Variants in ZMYM2 observed in about 807,000 individuals in gnomAD.
The protein encoded by ZMYM2 is zinc finger MYM-type containing 2.
A neutral mutation model predicts 162.8 loss-of-function variants in ZMYM2; 56 were observed. That is an observed-to-expected ratio of 0.34 (90% confidence interval 0.28 to 0.43). The LOEUF (loss-of-function observed/expected upper bound fraction) is 0.43. Ranked by LOEUF, ZMYM2 falls within the 20% of genes least tolerant of loss-of-function variation. ZMYM2 has a pLI of 1.00. For synonymous variants in ZMYM2, 510 were observed against 541.6 expected (o/e 0.94, Z 0.81); for missense variants, 1,275 against 1,621.8 (o/e 0.79, Z 3.67).
At chr13:19,901,010 A>G in the ZMYM2 span, among the ~76,000 whole-genome samples, 1 of 152,180 alleles carries the variant, frequency 6.6e-6, no homozygotes, top group African/African-American at 2.4e-5. Context: ...TGGTTTGCAG[A>G]CAGCTATTCT....
chr13:19,880,635 C>T, the ZMYM2 span, among the ~76,000 whole-genome samples: 2 of 151,814 alleles, frequency 1.3e-5, no homozygotes, highest in African/African-American at 2.4e-5. Context: ...CACCATGTTG[C>T]CCAGGCTGGT....
chr13:19,909,249 T>A, the ZMYM2 span, among the ~76,000 whole-genome samples: 14 of 152,286 alleles, frequency 9.2e-5, no homozygotes, highest in South Asian at 2.9e-3. Context: ...GCTCAATCTA[T>A]GTTAATTACT....
intron 21 of ZMYM2, among the ~76,000 whole-genome samples, chr13:20,077,896 G>C (rs1957622042): frequency 6.7e-6 from 1 of 148,904 alleles, no homozygotes; most frequent in Non-Finnish European, 1.5e-5. Context: ...AGGCTGGAGT[G>C]CAGTGGTGTG....
chr13:19,893,782 A>C, the ZMYM2 span, among the ~76,000 whole-genome samples: 1 of 151,808 alleles, frequency 6.6e-6, no homozygotes, highest in Admixed American at 6.6e-5. Context: ...ATAAAACACA[A>C]AAGTATAAAC....
the ZMYM2 span, among the ~76,000 whole-genome samples, chr13:19,919,138 T>C: frequency 3.3e-5 from 5 of 152,270 alleles, no homozygotes; most frequent in Admixed American, 1.3e-4. Context: ...ACTGGCTTTT[T>C]TTTTTTTTCA....
intron 3 of ZMYM2, among the ~76,000 whole-genome samples, chr13:20,000,440 T>C (rs1466348449): frequency 6.6e-6 from 1 of 152,236 alleles, no homozygotes; most frequent in Non-Finnish European, 1.5e-5. Flanking sequence ...ACAAAACAAC[T>C]GATGGCTCTC....
At chr13:19,965,406 T>C in intron 2 of ZMYM2, 10 of 455,584 alleles carry the variant, frequency 2.2e-5, no homozygotes, top group South Asian at 2.1e-4. Context: ...CTAGGAAGAA[T>C]AGTGTTTCTT....
the ZMYM2 span, among the ~76,000 whole-genome samples, chr13:19,947,754 A>G: frequency 5.9e-5 from 9 of 152,072 alleles, no homozygotes. Flanking sequence ...TCGGCTTCCC[A>G]GAGTGCTGGG....
chr13:20,031,640 T>C (rs1441268434), intron 10 of ZMYM2, among the ~76,000 whole-genome samples: 3 of 152,162 alleles, frequency 2.0e-5, no homozygotes, highest in East Asian at 1.9e-4. Flanking sequence ...GAAAAATTAC[T>C]GAAGTCATAT....
the ZMYM2 span, among the ~76,000 whole-genome samples, chr13:19,885,892 TGTATACAC>T: frequency 3.1e-3 from 357 of 115,708 alleles, 97 homozygotes; most frequent in African/African-American, 0.012. Context: ...CATATATATG[TGTATACAC>T]ATATATATGT....
At chr13:19,975,954 C>T (rs1490473179) in intron 2 of ZMYM2, among the ~76,000 whole-genome samples, 4 of 151,846 alleles carry the variant, frequency 2.6e-5, no homozygotes, top group African/African-American at 9.7e-5. Context: ...AACTCCTGGC[C>T]TCAATTGATT....
intron 11 of ZMYM2, among the ~76,000 whole-genome samples, chr13:20,036,433 A>G (rs1040779047): frequency 6.6e-6 from 1 of 152,138 alleles, no homozygotes; most frequent in African/African-American, 2.4e-5. Context: ...GATACTTAAG[A>G]TTCTATCTGT....
At chr13:19,944,065 G>A in the ZMYM2 span, among the ~76,000 whole-genome samples, 1 of 152,078 alleles carries the variant, frequency 6.6e-6, no homozygotes, top group East Asian at 1.9e-4. Flanking sequence ...GGCCTAGTAG[G>A]CAGCCTTGGT....
intron 2 of ZMYM2, among the ~76,000 whole-genome samples, chr13:19,972,322 C>T (rs1956401388): frequency 6.6e-6 from 1 of 152,094 alleles, no homozygotes; most frequent in African/African-American, 2.4e-5. Context: ...TTTATGTTAT[C>T]TGTCTTTGGT....
chr13:19,952,410 A>G, the ZMYM2 span, among the ~76,000 whole-genome samples: 5 of 152,248 alleles, frequency 3.3e-5, no homozygotes, highest in African/African-American at 1.2e-4. Flanking sequence ...TTTCTACCAC[A>G]AAAAATAATA....
chr13:19,965,563 G>A (rs553161446), intron 2 of ZMYM2, among the ~76,000 whole-genome samples: 1 of 152,216 alleles, frequency 6.6e-6, no homozygotes, highest in South Asian at 2.1e-4. Flanking sequence ...CTTTGGCTCT[G>A]CTTGGAAGAG....
In ZMYM2 at chr13:20,066,906, A is replaced by G. The variant is rs370436208; in HGVS notation, c.3188A>G (p.Asn1063Ser). ...GYQSHDDSSD[N>S]SECSFPFKYT... is the part of the protein sequence containing the mutation. The stretch of plus-strand genomic sequence containing the variant: ...CAGTCTCATGATGATAGTTCTGACA[A>G]TTCAGAATGCAGCTTTCCTTTCAAA... The change falls in exon 20 of 25, where the codon AAT (asparagine) becomes AGT (serine). Residue 1063 changes from asparagine to serine, a missense_variant. Physicochemically the swap from Asn to Ser is conservative, Grantham distance 46. Around this residue, in one of 10 missense-constraint regions of ZMYM2, gnomAD observed 229 missense variants for 283.8 expected, o/e 0.81. Coordinates refer to ENST00000610343, the MANE Select transcript of ZMYM2 (RefSeq NM_197968.4). 1.2e-6 allele frequency: 2 copies of G among 1,613,344 alleles called. No individual in the cohort carries two copies. Among genetic ancestry groups the G allele is most frequent in the Non-Finnish European group, 8.5e-7 (1 of 1,179,560 alleles).
At chr13:19,872,446 A>G in the ZMYM2 span, among the ~76,000 whole-genome samples, 2 of 152,086 alleles carry the variant, frequency 1.3e-5, no homozygotes, top group Admixed American at 6.6e-5. Flanking sequence ...GGTACTTGGG[A>G]GGCTGAGGCA....
At chr13:19,940,952 T>C in the ZMYM2 span, among the ~76,000 whole-genome samples, 1 of 152,186 alleles carries the variant, frequency 6.6e-6, no homozygotes, top group Admixed American at 6.5e-5. Context: ...GAGATAGAGC[T>C]ATAAACAACT....
Sources: allele counts gnomAD v4.1 joint callset (sites outside exome capture counted in the v4.1 genomes callset), GRCh38; gene constraint gnomAD v4.1.1; regional missense constraint gnomAD v4.1.1; transcripts MANE v1.5; gene names NCBI Gene and HGNC (gene_info 2026-07-23, HGNC 2026-07-21).